TUSC3: variants seen among roughly 807,000 people sequenced by gnomAD.
The protein encoded by TUSC3 is dolichyl-diphosphooligosaccharide--protein glycosyltransferase subunit TUSC3.
A neutral mutation model predicts 44.8 loss-of-function variants in TUSC3; 45 were observed. The ratio of observed to expected loss-of-function variants is 1.00; its 90% CI spans 0.79 to 1.29. The LOEUF is 1.29. Among genes scored for constraint, TUSC3 ranks in the 50% most tolerant of loss-of-function variants. The pLI, the probability that TUSC3 is intolerant of heterozygous loss-of-function variation, is 0.00. For synonymous variants in TUSC3, 212 were observed against 152.9 expected (o/e 1.39, Z -2.85); for missense variants, 519 against 437.9 (o/e 1.19, Z -1.65).
intron 2 of TUSC3, among the ~76,000 whole-genome samples, chr8:15,524,349 A>G (rs1214941025): frequency 2.6e-5 from 4 of 152,140 alleles, no homozygotes; most frequent in Non-Finnish European, 5.9e-5. Flanking sequence ...CTTAATTTTC[A>G]CTCACCATGT....
At chr8:15,673,025 A>G (rs959222431) in intron 5 of TUSC3, among the ~76,000 whole-genome samples, 2 of 152,054 alleles carry the variant, frequency 1.3e-5, no homozygotes, top group East Asian at 3.9e-4. Flanking sequence ...ACTTTAAAAT[A>G]TTTTGTGATT....
At chr8:15,507,065 T>G (rs955403028) in intron 2 of TUSC3, among the ~76,000 whole-genome samples, 2 of 152,212 alleles carry the variant, frequency 1.3e-5, no homozygotes, top group African/African-American at 4.8e-5. Context: ...TGTATACATA[T>G]GAAATAACTT....
chr8:15,543,175 G>C (rs549311743), intron 1 of TUSC3, among the ~76,000 whole-genome samples: 79 of 152,300 alleles, frequency 5.2e-4, no homozygotes, highest in African/African-American at 1.8e-3. Flanking sequence ...TGATGCCTAT[G>C]ATAAGATTTG....
chr8:15,626,152 A>G (rs542778042), intron 2 of TUSC3, among the ~76,000 whole-genome samples: 1 of 151,336 alleles, frequency 6.6e-6, no homozygotes, highest in South Asian at 2.1e-4. Context: ...TGCCACCCCC[A>G]CCCTCCTGAG....
chr8:15,808,917 A>T, the TUSC3 span, among the ~76,000 whole-genome samples: 1 of 152,254 alleles, frequency 6.6e-6, no homozygotes, highest in Non-Finnish European at 1.5e-5. Context: ...ACACACACAC[A>T]TATAATTAAG....
At chr8:15,693,162 T>C (rs1808997954) in intron 6 of TUSC3, among the ~76,000 whole-genome samples, 1 of 152,208 alleles carries the variant, frequency 6.6e-6, no homozygotes, top group African/African-American at 2.4e-5. Context: ...ACATTCAAGG[T>C]TGATACTGAT....
chr8:15,645,987 C>T (rs1806609726), intron 2 of TUSC3, among the ~76,000 whole-genome samples: 1 of 152,052 alleles, frequency 6.6e-6, no homozygotes, highest in African/African-American at 2.4e-5. Flanking sequence ...TATTATTCAT[C>T]ATCAGTATCA....
chr8:15,774,338 A>G, the TUSC3 span, among the ~76,000 whole-genome samples: 8 of 152,138 alleles, frequency 5.3e-5, no homozygotes, highest in Admixed American at 4.6e-4. Flanking sequence ...AGATGAGGTC[A>G]TACTGGAATA....
intron 1 of TUSC3, among the ~76,000 whole-genome samples, chr8:15,470,725 G>C (rs939913766): frequency 2.0e-5 from 3 of 152,146 alleles, no homozygotes; most frequent in Non-Finnish European, 4.4e-5. Flanking sequence ...CACTGTCTCA[G>C]TGGAGTTGGC....
At chr8:15,623,300 ATATATTTTTATGTTCATTTT>A in intron 2 of TUSC3, 51 bp downstream of exon 2, 1 of 1,467,652 alleles carries the variant, frequency 6.8e-7, no homozygotes, top group Non-Finnish European at 9.1e-7. Flanking sequence ...TGGTTTACAT[ATATATTTTTATGTTCATTTT>A]AAGATAAATA....
At chr8:15,441,037 A>G (rs1800014191) in intron 1 of TUSC3, among the ~76,000 whole-genome samples, 1 of 152,196 alleles carries the variant, frequency 6.6e-6, no homozygotes, top group African/African-American at 2.4e-5. Context: ...ATTTTTGTTT[A>G]AGCTAATTTA....
chr8:15,672,812 A>T (rs1808007448), intron 5 of TUSC3, among the ~76,000 whole-genome samples: 1 of 152,012 alleles, frequency 6.6e-6, no homozygotes, highest in Admixed American at 6.6e-5. Flanking sequence ...TGTGCAAACT[A>T]GAATATTTAG....
chr8:15,605,809 A>G (rs533179157), intron 1 of TUSC3, among the ~76,000 whole-genome samples: 2 of 152,148 alleles, frequency 1.3e-5, no homozygotes, highest in Middle Eastern at 3.4e-3. Flanking sequence ...TAAGGTTGCC[A>G]TATTAAATCA....
intron 1 of TUSC3, among the ~76,000 whole-genome samples, chr8:15,619,301 G>C (rs980796526): frequency 2.0e-5 from 3 of 152,014 alleles, no homozygotes; most frequent in Non-Finnish European, 2.9e-5. Context: ...AATAGATTGA[G>C]ACTTTTAAAA....
intron 1 of TUSC3, among the ~76,000 whole-genome samples, chr8:15,581,191 GT>G: frequency 8.6e-6 from 1 of 115,918 alleles, no homozygotes; most frequent in Non-Finnish European, 1.7e-5. Context: ...GCACTTCTCT[GT>G]ATTGGTTATT....
chr8:15,512,844 T>TTG (rs1563270815), intron 2 of TUSC3, among the ~76,000 whole-genome samples: 18 of 119,300 alleles, frequency 1.5e-4, no homozygotes, highest in Admixed American at 2.8e-4. Context: ...GTATATATAT[T>TTG]TGTGTGTGTG....
upstream of TUSC3, chr8:15,540,240 C>G: frequency 2.5e-6 from 2 of 806,320 alleles, no homozygotes; most frequent in Non-Finnish European, 3.5e-6. Flanking sequence ...CAGGTCTTCT[C>G]CCGGTGAACC....
chr8:15,469,283 A>G (rs987888014), intron 1 of TUSC3, among the ~76,000 whole-genome samples: 1 of 152,260 alleles, frequency 6.6e-6, no homozygotes, highest in Non-Finnish European at 1.5e-5. Flanking sequence ...ACTGTTATCC[A>G]AAATATACAA....
At chr8:15,846,888 AAAC>A in the TUSC3 span, among the ~76,000 whole-genome samples, 1 of 151,634 alleles carries the variant, frequency 6.6e-6, no homozygotes, top group African/African-American at 2.4e-5. Flanking sequence ...AAAAAAAAAA[AAAC>A]ACACACACAA....
Sources: gnomAD v4.1 joint callset for allele counts (sites outside exome capture counted in the v4.1 genomes callset) on GRCh38, gnomAD v4.1.1 for gene constraint, MANE v1.5 for transcripts, NCBI Gene and HGNC (gene_info 2026-07-23, HGNC 2026-07-21) for gene names.